The following FHAD1 variants were observed in gnomAD, a reference collection of about 807,000 sequenced individuals.
The protein encoded by FHAD1 is forkhead-associated domain-containing protein 1.
A neutral mutation model predicts 191.3 loss-of-function variants in FHAD1; 146 were observed. The ratio of observed to expected loss-of-function variants is 0.76; its 90% confidence interval spans 0.67 to 0.88. FHAD1 has a LOEUF of 0.88. Among genes scored for constraint, FHAD1 ranks in the 40% least tolerant of loss-of-function variants. FHAD1 has a pLI of 0.00. For synonymous variants in FHAD1, 616 were observed against 672.3 expected, an observed-to-expected ratio of 0.92 and a Z score of 1.29; for missense variants, 1,635 against 1,785.8, an observed-to-expected ratio of 0.92 and a Z score of 1.52.
intron 10 of FHAD1, among the ~76,000 whole-genome samples, chr1:15,323,292 G>A (rs1040426365): frequency 1.3e-5 from 2 of 152,194 alleles, no homozygotes; most frequent in Non-Finnish European, 2.9e-5. Context: ...TGGGGCTGGG[G>A]GCGGGGAGGC....
chr1:15,313,176 C>T lies in FHAD1; in HGVS notation c.1159C>T (p.Leu387Phe), dbSNP rs930335951. The part of the protein sequence containing the change: ...NKDKDHQLEA[L>F]GSRCSVLKEE... ...GGACAAGGACCACCAGCTGGAAGCC[C>T]TTGGCTCTAGAGTGAGTAAGGATGA... Residue 387 changes from leucine to phenylalanine, a missense_variant, in exon 8 of 34, where the codon CTT (leucine) becomes TTT (phenylalanine). Coordinates refer to ENST00000688493, the MANE Select transcript of FHAD1 (RefSeq NM_001391957.1). 2.0e-5 allele frequency: 31 copies of T among 1,551,818 alleles called. No homozygotes were observed. In the Admixed American group the frequency reaches 5.3e-4, roughly 27 times the overall value.
intron 4 of FHAD1, among the ~76,000 whole-genome samples, chr1:15,293,163 C>T (rs1363513899): frequency 6.6e-6 from 1 of 152,134 alleles, no homozygotes; most frequent in Non-Finnish European, 1.5e-5. Context: ...TACGTTTTGA[C>T]AATTGTATAC....
intron 1 of FHAD1, among the ~76,000 whole-genome samples, chr1:15,237,743 T>A (rs867148809): frequency 6.6e-6 from 1 of 152,002 alleles, no homozygotes; most frequent in Admixed American, 6.5e-5. Context: ...GGGTAAAGTA[T>A]CAGAAAGAAA....
chr1:15,293,675 G>GCACA (rs1665861489), intron 4 of FHAD1, among the ~76,000 whole-genome samples: 1 of 152,160 alleles, frequency 6.6e-6, no homozygotes, highest in Non-Finnish European at 1.5e-5. Flanking sequence ...CTGAGATTGT[G>GCACA]CCACTGCACT....
At chr1:15,328,556 C>T (rs1679849333) in intron 13 of FHAD1, 127 bp downstream of exon 13, 2 of 800,550 alleles carry the variant, frequency 2.5e-6, no homozygotes, top group Non-Finnish European at 3.5e-6. Flanking sequence ...TCCACTTTTT[C>T]CTCTTGTTGG....
intron 14 of FHAD1, among the ~76,000 whole-genome samples, chr1:15,332,703 T>A (rs1429545697): frequency 1.3e-5 from 2 of 152,206 alleles, no homozygotes. Context: ...TGTGTGATAG[T>A]GAGACCTTGT....
chr1:15,251,997 A>G (rs1646838936), intron 2 of FHAD1, 120 bp downstream of exon 2: 2 of 823,968 alleles, frequency 2.4e-6, no homozygotes, highest in Admixed American at 2.9e-5. Context: ...GCAAGCAGCC[A>G]TACCTTTCCT....
At chr1:15,299,026 AAAAC>A (rs1301952553) in intron 5 of FHAD1, among the ~76,000 whole-genome samples, 1 of 151,138 alleles carries the variant, frequency 6.6e-6, no homozygotes, top group Non-Finnish European at 1.5e-5. Context: ...ACAAAAACAA[AAAAC>A]AAACAACAAC....
intron 5 of FHAD1, 107 bp downstream of exon 5, chr1:15,296,900 C>G: frequency 1.3e-6 from 1 of 794,772 alleles, no homozygotes; most frequent in Non-Finnish European, 2.0e-6. Context: ...ATCCTGCTTC[C>G]AAGAAACCAC....
At chr1:15,366,241 C>T (rs145243998) in intron 24 of FHAD1, among the ~76,000 whole-genome samples, 1,436 of 143,118 alleles carry the variant, frequency 0.01, 19 homozygotes, top group African/African-American at 0.034. Flanking sequence ...GCTGAGATCG[C>T]GCCACTGCAC....
At chr1:15,262,020 C>T (rs7515979) in intron 2 of FHAD1, among the ~76,000 whole-genome samples, 21,268 of 152,064 alleles carry the variant, frequency 0.14, 1,740 homozygotes, top group Middle Eastern at 0.22. Flanking sequence ...TTAGCACACA[C>T]GCACACACAC....
At chr1:15,295,472 G>A (rs1031836568) in intron 4 of FHAD1, among the ~76,000 whole-genome samples, 1 of 152,056 alleles carries the variant, frequency 6.6e-6, no homozygotes, top group African/African-American at 2.4e-5. Context: ...GCCAAGCACG[G>A]TAGCATGCAC....
intron 24 of FHAD1, 80 bp from the exon 25 acceptor site, chr1:15,367,383 G>T: frequency 6.8e-7 from 1 of 1,472,154 alleles, no homozygotes; most frequent in African/African-American, 1.4e-5. Context: ...GTAATCCCAC[G>T]TACACAAGAG....
In FHAD1 at chr1:15,308,703, G is replaced by A. The variant is rs1362855448; in HGVS notation, c.1006G>A (p.Glu336Lys). The stretch of plus-strand genomic sequence containing the variant: ...AATCACATCCCTGAAGAATGAGGGC[G>A]AGAACTTAAAGAGAGACAACGCTAT... ...SEITSLKNEG[E>K]NLKRDNAITS... The change falls in exon 7 of 34, where the codon GAG (glutamate) becomes AAG (lysine). Residue 336 changes from glutamate (E) to lysine (K), a missense_variant. Physicochemically the swap from Glu to Lys is moderately conservative, Grantham distance 56. Coordinates refer to ENST00000688493, the MANE Select transcript of FHAD1 (RefSeq NM_001391957.1). 9.0e-6 allele frequency: 14 copies of A among 1,551,732 alleles called. No individual in the cohort carries two copies. Among genetic ancestry groups the A allele is most frequent in the Middle Eastern group, 1.7e-4 (1 of 5,990 alleles).
chr1:15,362,788 A>G, intron 23 of FHAD1, 62 bp downstream of exon 23: 2 of 1,331,438 alleles, frequency 1.5e-6, no homozygotes, highest in Non-Finnish European at 2.1e-6. Context: ...GGTGGGGGCA[A>G]ACAGGCAACC....
intron 3 of FHAD1, among the ~76,000 whole-genome samples, chr1:15,286,880 C>T (rs968643455): frequency 6.6e-6 from 1 of 152,226 alleles, no homozygotes; most frequent in African/African-American, 2.4e-5. Context: ...TAGAGCCCTG[C>T]CTACTGAATG....
At chr1:15,297,176 T>TCCTCCC (rs1667248527) in intron 5 of FHAD1, among the ~76,000 whole-genome samples, 2 of 152,222 alleles carry the variant, frequency 1.3e-5, no homozygotes, top group Non-Finnish European at 2.9e-5. Context: ...CAGGTCTGGT[T>TCCTCCC]AACTTCCCTA....
chr1:15,271,730 G>GA (rs1239220620), intron 2 of FHAD1, among the ~76,000 whole-genome samples: 1 of 151,702 alleles, frequency 6.6e-6, no homozygotes, highest in Non-Finnish European at 1.5e-5. Context: ...CGTAAGCATA[G>GA]AAAAAAAACG....
At chr1:15,254,880 C>T (rs1304461199) in intron 2 of FHAD1, among the ~76,000 whole-genome samples, 1 of 152,146 alleles carries the variant, frequency 6.6e-6, no homozygotes, top group African/African-American at 2.4e-5. Context: ...ATGTGGGGGA[C>T]ACAGGTCTGT....
Sources: allele counts gnomAD v4.1 joint callset (sites outside exome capture counted in the v4.1 genomes callset), GRCh38; gene constraint gnomAD v4.1.1; transcripts MANE v1.5; gene names NCBI Gene and HGNC (gene_info 2026-07-23, HGNC 2026-07-21).